TRIM14: variants seen among roughly 807,000 people sequenced by gnomAD.
TRIM14 encodes tripartite motif containing 14.
Under a neutral mutation model 44.5 loss-of-function variants are expected in TRIM14, and 28 were observed. The ratio of observed to expected loss-of-function variants is 0.63; its 90% confidence interval spans 0.47 to 0.86. The LOEUF is 0.86. Ranked by LOEUF, TRIM14 falls within the 40% of genes least tolerant of loss-of-function variation. The probability of loss-of-function intolerance (pLI) is 0.00; values close to 1 mark genes in which losing one functional copy is unlikely to be tolerated. For synonymous variants in TRIM14, 299 were observed against 269.2 expected, an observed-to-expected ratio of 1.11 and a Z score of -1.08; for missense variants, 607 against 611.1, an observed-to-expected ratio of 0.99 and a Z score of 0.07.
rs762860882 is a variant in TRIM14, at chr9:98,087,302, G to T, written c.*168C>A. On this transcript the variant is annotated 3_prime_UTR_variant, in exon 6 of 6. Coordinates refer to ENST00000341469, the MANE Select transcript of TRIM14 (RefSeq NM_014788.4). ...TAGGGCCTGTTTGAAACTAGCCTAGGAGAGGAAACCTTCAAAGCACTGTAG... is the reference window on the plus strand; with the variant it reads ...TAGGGCCTGTTTGAAACTAGCCTAGTAGAGGAAACCTTCAAAGCACTGTAG... 3 of 1,083,856 alleles carry T rather than the reference G, an allele frequency of 2.8e-6. No homozygotes were observed. The Admixed American group carries it at 5.1e-5, about 18-fold the overall frequency. 67.1% of individuals were successfully genotyped at this position (1,083,856 alleles called of 1,614,324 possible).
downstream of TRIM14, among the ~76,000 whole-genome samples, chr9:98,068,540 G>T (rs976460360): frequency 9.9e-5 from 15 of 151,744 alleles, no homozygotes; most frequent in Non-Finnish European, 1.8e-4. Flanking sequence ...TTGGCTGGAT[G>T]CAGTGGCTCA....
intron 6 of TRIM14, chr9:98,076,916 A>T: frequency 6.2e-7 from 1 of 1,608,164 alleles, no homozygotes; most frequent in Non-Finnish European, 8.5e-7. Flanking sequence ...TGATTTTTGT[A>T]GATGGCAGTT....
the TRIM14 span, among the ~76,000 whole-genome samples, chr9:98,058,972 G>A: frequency 1.3e-5 from 2 of 152,164 alleles, no homozygotes; most frequent in East Asian, 3.9e-4. Context: ...CTTATGATTT[G>A]TCTAAGAGCA....
the TRIM14 span, among the ~76,000 whole-genome samples, chr9:98,035,936 T>C: frequency 1.3e-5 from 2 of 152,168 alleles, no homozygotes; most frequent in African/African-American, 4.8e-5. Context: ...GTAGGCCGGG[T>C]GTGGTGGCTC....
chr9:98,047,252 G>T, the TRIM14 span, among the ~76,000 whole-genome samples: 1 of 152,108 alleles, frequency 6.6e-6, no homozygotes, highest in Non-Finnish European at 1.5e-5. Flanking sequence ...CATGTAAGAC[G>T]TGCCTTTTGC....
In TRIM14 at chr9:98,087,694, G is replaced by A. The variant is rs1428783025; in HGVS notation, c.1105C>T (p.Leu369Phe). 3.7e-6 allele frequency: 6 copies of A among 1,600,020 alleles called. No homozygotes were observed. In the Admixed American group the frequency reaches 6.7e-5, roughly 18 times the overall value. Residue 369 changes from leucine (L) to phenylalanine (F), a missense_variant, in exon 6 of 6, where the codon CTT becomes TTT. This residue lies in a region of TRIM14 where 356 missense variants were observed against 323.0 expected (regional missense o/e 1.10). Transcript: ENST00000341469. ...RQSWCLKRYDLEYWAFHDGQR... is the reference protein window; with the variant it reads ...RQSWCLKRYDFEYWAFHDGQR... Reference sequence around the variant, plus strand: ...CCGTCGTGGAAGGCCCAGTACTCAAGGTCGTAGCGCTTGAGGCACCAGGAC... The same window carrying A: ...CCGTCGTGGAAGGCCCAGTACTCAAAGTCGTAGCGCTTGAGGCACCAGGAC...
chr9:98,056,755 C>T, the TRIM14 span: 1 of 1,578,938 alleles, frequency 6.3e-7, no homozygotes, highest in Non-Finnish European at 8.6e-7. Flanking sequence ...GAGGCGGCGG[C>T]GGCGGCGGCC....
chr9:98,081,064 G>A, downstream of TRIM14: 1 of 1,614,158 alleles, frequency 6.2e-7, no homozygotes, highest in Admixed American at 1.7e-5. Flanking sequence ...TGCCCTGTGA[G>A]ATGGCCTGCA....
downstream of TRIM14, among the ~76,000 whole-genome samples, chr9:98,079,468 T>C (rs1245495444): frequency 1.1e-5 from 1 of 87,864 alleles, no homozygotes; most frequent in African/African-American, 1.3e-4. Context: ...TATACAGCCA[T>C]TAACTTAAAA....
At chr9:98,108,595 A>G (rs1826714270) in intron 2 of TRIM14, among the ~76,000 whole-genome samples, 1 of 151,674 alleles carries the variant, frequency 6.6e-6, no homozygotes, top group Non-Finnish European at 1.5e-5. Context: ...AACCCTTCCA[A>G]CGTGACAGCT....
intron 2 of TRIM14, among the ~76,000 whole-genome samples, chr9:98,105,209 G>A (rs772075980): frequency 2.6e-5 from 4 of 152,220 alleles, no homozygotes; most frequent in Non-Finnish European, 5.9e-5. Flanking sequence ...AAGGCATGGA[G>A]CCAGCAACTG....
chr9:98,091,857 C>A, intron 5 of TRIM14, 52 bp downstream of exon 5: 1 of 1,306,476 alleles, frequency 7.7e-7, no homozygotes, highest in South Asian at 2.1e-5. Flanking sequence ...CTCCACCCAA[C>A]ATCCCACCAT....
At chr9:98,092,113 G>A (rs753968491) in intron 4 of TRIM14, 112 bp from the exon 5 acceptor site, 1 of 733,660 alleles carries the variant, frequency 1.4e-6, no homozygotes, top group Non-Finnish European at 2.1e-6. Flanking sequence ...CAAGAGCCAG[G>A]CAGATTTAAG....
rs1381151661 is a variant in TRIM14 at position 98,094,953 on chromosome 9, A to G, written c.614T>C (p.Phe205Ser). Residue 205 changes from phenylalanine to serine, a missense_variant, in exon 4 of 6, where the codon TTT (phenylalanine) becomes TCT (serine). Around this residue, in one of 3 missense-constraint regions of TRIM14, gnomAD observed 246 missense variants for 270.8 expected, o/e 0.91. Coordinates refer to ENST00000341469, the MANE Select transcript of TRIM14 (RefSeq NM_014788.4). Reference protein sequence around the residue: ...GELCHPVPLSFEPVKSFFKGL... With the variant: ...GELCHPVPLSSEPVKSFFKGL... ...CTTAAAGAAGCTCTTGACGGGCTCA[A>G]AGGAGAGGGGCACGGGATGGCACAG... The G allele has an allele frequency of 2.5e-6, 4 of 1,614,194 alleles. No individual in the cohort carries two copies. Among genetic ancestry groups the G allele is most frequent in the East Asian group, 2.2e-5 (1 of 44,886 alleles).
At chr9:98,057,426 A>G in the TRIM14 span, among the ~76,000 whole-genome samples, 1 of 152,092 alleles carries the variant, frequency 6.6e-6, no homozygotes, top group Non-Finnish European at 1.5e-5. Context: ...TTCCCTGTAT[A>G]TGAAATATGA....
In TRIM14 at chr9:98,094,921, C is replaced by G. The variant is rs750770823; in HGVS notation, c.646G>C (p.Val216Leu). ...EPVKSFFKGL[V>L]EAVESTLQTP... ...TGTAATGTACTCTCCACGGCTTCCA[C>G]GAGGCCCTTAAAGAAGCTCTTGACG... is the stretch of plus-strand genomic sequence containing the variant. The change falls in exon 4 of 6, where the codon GTG becomes CTG. Residue 216 changes from valine (V) to leucine (L), a missense_variant. Val to Leu is a conservative substitution (Grantham distance 32). Coordinates refer to ENST00000341469, the MANE Select transcript of TRIM14 (RefSeq NM_014788.4). The G allele has an allele frequency of 6.2e-7, 1 of 1,614,064 alleles. No individual in the cohort carries two copies. The highest frequency in any genetic ancestry group is 8.5e-7 in the Non-Finnish European group (1 of 1,180,026).
chr9:98,092,903 G>A (rs1380563569), intron 4 of TRIM14, among the ~76,000 whole-genome samples: 1 of 152,174 alleles, frequency 6.6e-6, no homozygotes, highest in Admixed American at 6.5e-5. Context: ...GTGGCTCAGA[G>A]GGCTGCCGGA....
chr9:98,118,832 G>C, intron 1 of TRIM14, 150 bp downstream of exon 1: 1 of 951,010 alleles, frequency 1.1e-6, no homozygotes, highest in Non-Finnish European at 1.5e-6. Flanking sequence ...TGAACTTTCG[G>C]TCGACCGCTT....
At chr9:98,068,650 TA>T (rs55679709), downstream of TRIM14, among the ~76,000 whole-genome samples, 563 of 127,536 alleles carry the variant, frequency 4.4e-3, no homozygotes, top group Admixed American at 5.4e-3. Flanking sequence ...CCCCATCTAT[TA>T]AAAAAAAAAA....
Sources: allele counts gnomAD v4.1 joint callset (sites outside exome capture counted in the v4.1 genomes callset), GRCh38; gene constraint gnomAD v4.1.1; regional missense constraint gnomAD v4.1.1; transcripts MANE v1.5; gene names NCBI Gene and HGNC (gene_info 2026-07-23, HGNC 2026-07-21).